Variants in ZNF827 observed in about 807,000 individuals in gnomAD.
ZNF827 encodes zinc finger protein 827.
Under a neutral mutation model 102.4 loss-of-function variants are expected in ZNF827, and 13 were observed. The ratio of observed to expected loss-of-function variants is 0.13; its 90% CI spans 0.08 to 0.20. The LOEUF (loss-of-function observed/expected upper bound fraction) is 0.20, where lower values mean the gene tolerates loss of function less well. ZNF827 is among the 10% of genes least tolerant of loss of function. The pLI is 1.00. For missense variants in ZNF827, 1,103 were observed against 1,344.4 expected (o/e 0.82, Z 2.81); for synonymous variants, 523 against 536.2 (o/e 0.98, Z 0.34).
At chr4:145,912,386 C>T (rs1412082169) in intron 1 of ZNF827, among the ~76,000 whole-genome samples, 1 of 152,204 alleles carries the variant, frequency 6.6e-6, no homozygotes, top group African/African-American at 2.4e-5. Flanking sequence ...AGCAGAGACT[C>T]TTTCTCCTAT....
chr4:145,828,857 C>T (rs2126528648), intron 7 of ZNF827, among the ~76,000 whole-genome samples: 1 of 152,260 alleles, frequency 6.6e-6, no homozygotes, highest in Non-Finnish European at 1.5e-5. Flanking sequence ...AGGATTATGG[C>T]TCTAAATAGT....
At chr4:145,824,434 G>A (rs963259346) in intron 7 of ZNF827, among the ~76,000 whole-genome samples, 1 of 152,168 alleles carries the variant, frequency 6.6e-6, no homozygotes, top group African/African-American at 2.4e-5. Context: ...CATAGGAACT[G>A]GGTACCCAGA....
At chr4:145,860,241 G>C (rs1163768579) in intron 5 of ZNF827, among the ~76,000 whole-genome samples, 2 of 152,140 alleles carry the variant, frequency 1.3e-5, no homozygotes, top group Admixed American at 6.5e-5. Flanking sequence ...AGTAATCCTT[G>C]GTTCTGTTGA....
intron 1 of ZNF827, among the ~76,000 whole-genome samples, chr4:145,936,562 C>T (rs1233931782): frequency 6.6e-6 from 1 of 152,174 alleles, no homozygotes; most frequent in Admixed American, 6.5e-5. Flanking sequence ...TTGCAAGTGC[C>T]CTTGCTCGCC....
intron 4 of ZNF827, among the ~76,000 whole-genome samples, chr4:145,885,168 A>T (rs1223390423): frequency 6.6e-6 from 1 of 152,182 alleles, no homozygotes; most frequent in African/African-American, 2.4e-5. Context: ...AAACTTCTTA[A>T]AGATAGTTAT....
intron 5 of ZNF827, among the ~76,000 whole-genome samples, chr4:145,865,274 A>C (rs1455216401): frequency 1.3e-5 from 2 of 152,244 alleles, no homozygotes; most frequent in African/African-American, 4.8e-5. Flanking sequence ...TTTCATAATA[A>C]ATTAAAAAGA....
At chr4:145,860,862 C>T (rs1747648687) in intron 5 of ZNF827, among the ~76,000 whole-genome samples, 1 of 152,180 alleles carries the variant, frequency 6.6e-6, no homozygotes, top group African/African-American at 2.4e-5. Context: ...TCCTAAAAGC[C>T]ATAAGAGAAA....
In ZNF827 at chr4:145,883,342, T is replaced by C. The variant is rs151245371; in HGVS notation, c.1747+2336A>G. ...TGTGCATTTGTTATCTGTTTTCTTA[T>C]GCCAATTATCAGTCAGTAAATATTC... is the stretch of plus-strand genomic sequence containing the variant. On this transcript the variant is annotated intron_variant, in intron 4 of 14. Coordinates refer to ENST00000508784, the MANE Select transcript of ZNF827 (RefSeq NM_001306215.2). 7.7e-3 allele frequency among the ~76,000 whole-genome samples: 1,171 copies of C among 152,342 alleles called. 8 individuals carry two copies. Among genetic ancestry groups the C allele is most frequent in the Middle Eastern group, 0.017 (5 of 294 alleles).
At chr4:145,843,711 C>G (rs1014679401) in intron 7 of ZNF827, among the ~76,000 whole-genome samples, 8 of 152,334 alleles carry the variant, frequency 5.3e-5, no homozygotes, top group Non-Finnish European at 8.8e-5. Context: ...GCACCTACCC[C>G]GGAGTTTGCG....
At chr4:145,910,491 C>T (rs966812715) in intron 1 of ZNF827, among the ~76,000 whole-genome samples, 19 of 152,070 alleles carry the variant, frequency 1.2e-4, no homozygotes, top group African/African-American at 4.1e-4. Flanking sequence ...TCTCGGATTC[C>T]GTTGGTTCTA....
chr4:145,844,115 AC>A (rs1301649610), intron 7 of ZNF827, among the ~76,000 whole-genome samples: 1 of 152,138 alleles, frequency 6.6e-6, no homozygotes, highest in Admixed American at 6.5e-5. Context: ...CAGTGTTTAG[AC>A]CCACAGACAC....
chr4:145,833,054 C>G (rs1290180627), intron 7 of ZNF827: 61 of 194,836 alleles, frequency 3.1e-4, no homozygotes, highest in African/African-American at 1.4e-3. Flanking sequence ...CTTGGGAGAT[C>G]AATCCCCTGT....
rs1326698701 is a variant in ZNF827, at chr4:145,761,256, T to C, written c.*360A>G. On this transcript the variant is annotated 3_prime_UTR_variant, in exon 15 of 15. Transcript: ENST00000508784. The surrounding 1 kb of genome is among the most constrained non-coding windows in gnomAD (Gnocchi z 6.8). ...GGTGTGTGGTCTTGAACAGGCACTC[T>C]TCGCAGCTGAAGGTCTGGCGTGGGG... 1 of 1,289,890 alleles carries C rather than the reference T, an allele frequency of 7.8e-7. No individual in the cohort carries two copies. The allele number at this position is 1,289,890 out of a possible 1,614,324, so 79.9% of individuals were successfully genotyped here. A position where few individuals can be genotyped will look rare whatever the true frequency, so the allele number is the denominator to read the frequency against.
intron 7 of ZNF827, among the ~76,000 whole-genome samples, chr4:145,837,901 A>G (rs1011004411): frequency 2.0e-5 from 3 of 151,326 alleles, no homozygotes; most frequent in Admixed American, 6.6e-5. Context: ...AATCTCTCCC[A>G]CTCTAGGTTC....
At position 145,789,404 on chromosome 4, in the gene ZNF827, A is replaced by T. The variant is rs181795545; in HGVS notation, c.2384-9893T>A. On this transcript the variant is annotated intron_variant, in intron 8 of 14. Coordinates refer to ENST00000508784, the MANE Select transcript of ZNF827 (RefSeq NM_001306215.2). The stretch of plus-strand genomic sequence containing the variant: ...AGAGTTTGTTAAAAGTATATTAAGG[A>T]GACAGTACATAATTAAAACAATAGC... 5.9e-5 allele frequency among the ~76,000 whole-genome samples: 9 copies of T among 152,336 alleles called. No individual in the cohort carries two copies. In the East Asian group the frequency reaches 1.3e-3, roughly 23 times the overall value.
In ZNF827 at chr4:145,934,820, G is replaced by T. The variant is rs75659228; in HGVS notation, c.43+3545C>A. 3.1e-3 allele frequency among the ~76,000 whole-genome samples: 469 copies of T among 152,270 alleles called. 4 individuals carry two copies. The highest frequency in any genetic ancestry group is 0.02 in the East Asian group (104 of 5,190). On this transcript the variant is annotated intron_variant, in intron 1 of 14. Transcript: ENST00000508784. ...GCTTTATGCTGTAGAATCCTTAGGGGGGTGCAGACACAGGGAGAGACCTAA... is the reference window on the plus strand; with the variant it reads ...GCTTTATGCTGTAGAATCCTTAGGGTGGTGCAGACACAGGGAGAGACCTAA...
intron 5 of ZNF827, among the ~76,000 whole-genome samples, chr4:145,859,397 C>T (rs1436374202): frequency 6.6e-6 from 1 of 152,106 alleles, no homozygotes; most frequent in African/African-American, 2.4e-5. Context: ...ATTTAAACCC[C>T]CAAGAAATCT....
intron 8 of ZNF827, among the ~76,000 whole-genome samples, chr4:145,792,376 A>G (rs1739828936): frequency 1.4e-5 from 2 of 138,020 alleles, no homozygotes; most frequent in South Asian, 2.2e-4. Context: ...TTGTCATAAG[A>G]AAAAAAAAAA....
intron 1 of ZNF827, among the ~76,000 whole-genome samples, chr4:145,903,898 TCTGA>T (rs1751623615): frequency 6.6e-6 from 1 of 152,214 alleles, no homozygotes; most frequent in South Asian, 2.1e-4. Context: ...ATTTCTGGCT[TCTGA>T]CTGTGACAGT....
Sources: gnomAD v4.1 joint callset for allele counts (sites outside exome capture counted in the v4.1 genomes callset) on GRCh38, gnomAD v4.1.1 for gene constraint, Gnocchi (gnomAD v3.1) non-coding constraint, MANE v1.5 for transcripts, NCBI Gene and HGNC (gene_info 2026-07-23, HGNC 2026-07-21) for gene names.